The following SGCZ variants were observed in gnomAD, a reference collection of about 807,000 sequenced individuals.
SGCZ encodes zeta-sarcoglycan.
Under a neutral mutation model 41.3 loss-of-function variants are expected in SGCZ, and 40 were observed. The observed-to-expected ratio is 0.97, with a 90% CI of 0.75 to 1.26. The LOEUF (loss-of-function observed/expected upper bound fraction) is 1.26, where lower values mean the gene tolerates loss of function less well. Among genes scored for constraint, SGCZ ranks in the 50% most tolerant of loss-of-function variants. The pLI, the probability that SGCZ is intolerant of heterozygous loss-of-function variation, is 0.00. For missense variants in SGCZ, 552 were observed against 369.8 expected, an observed-to-expected ratio of 1.49 and a Z score of -4.04; for synonymous variants, 206 against 137.5, an observed-to-expected ratio of 1.50 and a Z score of -3.49.
At chr8:14,435,656 T>C (rs889776141) in intron 2 of SGCZ, among the ~76,000 whole-genome samples, 6 of 152,234 alleles carry the variant, frequency 3.9e-5, no homozygotes, top group African/African-American at 1.4e-4. Context: ...TTTATGATAC[T>C]AAACATTCAA....
At chr8:14,279,199 G>A (rs1354613585) in intron 3 of SGCZ, among the ~76,000 whole-genome samples, 3 of 151,950 alleles carry the variant, frequency 2.0e-5, no homozygotes, top group Non-Finnish European at 4.4e-5. Flanking sequence ...AGGGGGGAAA[G>A]GGGAAAAGTA....
chr8:15,230,935 C>A (rs566265036), intron 1 of SGCZ, among the ~76,000 whole-genome samples: 1 of 152,314 alleles, frequency 6.6e-6, no homozygotes, highest in African/African-American at 2.4e-5. Context: ...TGAGGGACAT[C>A]CCCAAGGTGC....
At chr8:15,187,164 TTAAG>T (rs1261510208) in intron 1 of SGCZ, among the ~76,000 whole-genome samples, 1 of 152,180 alleles carries the variant, frequency 6.6e-6, no homozygotes, top group East Asian at 1.9e-4. Context: ...CATTATTTAT[TTAAG>T]TAAATAAAGC....
At chr8:14,436,399 C>T (rs377230693) in intron 2 of SGCZ, among the ~76,000 whole-genome samples, 1 of 152,296 alleles carries the variant, frequency 6.6e-6, no homozygotes, top group African/African-American at 2.4e-5. Flanking sequence ...TAGCAATCTT[C>T]TCCAAAATTA....
intron 4 of SGCZ, among the ~76,000 whole-genome samples, chr8:14,203,183 A>C (rs968334709): frequency 2.0e-5 from 3 of 152,204 alleles, no homozygotes; most frequent in African/African-American, 7.2e-5. Flanking sequence ...TTTTATCAGC[A>C]GTGCGAAAGC....
intron 4 of SGCZ, among the ~76,000 whole-genome samples, chr8:14,234,411 C>A (rs2117158530): frequency 6.6e-6 from 1 of 152,066 alleles, no homozygotes; most frequent in East Asian, 1.9e-4. Flanking sequence ...AAACTACTTA[C>A]ATATATTTTT....
chr8:15,130,491 A>C (rs186676592), intron 1 of SGCZ, among the ~76,000 whole-genome samples: 35 of 152,332 alleles, frequency 2.3e-4, no homozygotes, highest in Admixed American at 5.2e-4. Context: ...ATCCACAGTA[A>C]ATAAATATTA....
chr8:14,584,639 C>T (rs1038179817), intron 1 of SGCZ, among the ~76,000 whole-genome samples: 6 of 151,904 alleles, frequency 3.9e-5, no homozygotes, highest in African/African-American at 1.2e-4. Flanking sequence ...AAGAGTTGTG[C>T]GGTCTTCAGG....
intron 1 of SGCZ, among the ~76,000 whole-genome samples, chr8:14,779,172 T>G (rs777531836): frequency 2.0e-5 from 3 of 152,218 alleles, no homozygotes; most frequent in Non-Finnish European, 4.4e-5. Flanking sequence ...ACATATTAAA[T>G]CATGGTCACC....
At chr8:14,133,489 C>A (rs1050279807) in intron 5 of SGCZ, among the ~76,000 whole-genome samples, 5 of 152,094 alleles carry the variant, frequency 3.3e-5, no homozygotes, top group Non-Finnish European at 5.9e-5. Flanking sequence ...GAGACACATA[C>A]AATAATTTGT....
intron 4 of SGCZ, among the ~76,000 whole-genome samples, chr8:14,187,127 G>A (rs1454769560): frequency 2.6e-5 from 4 of 152,200 alleles, no homozygotes; most frequent in Non-Finnish European, 4.4e-5. Flanking sequence ...CTGAGGAACT[G>A]TGGGTCAGGG....
rs1035426089 is a variant in SGCZ at position 15,125,803 on chromosome 8, T to C, written c.39+111782A>G. Among the ~76,000 whole-genome samples the C allele has an allele frequency of 2.6e-5, 4 of 152,334 alleles. No individual in the cohort carries two copies. In the South Asian group the frequency reaches 8.3e-4, roughly 32 times the overall value. On this transcript the variant is annotated intron_variant, in intron 1 of 7. Coordinates refer to ENST00000382080, the MANE Select transcript of SGCZ (RefSeq NM_139167.4). The stretch of plus-strand genomic sequence containing the variant: ...ATGCAATGATTACCTTTAACTTCCA[T>C]AAACTTTTACAAGTTTGTTTCATTT...
At position 14,427,754 on chromosome 8, in the gene SGCZ, G is replaced by T. The variant is rs189969821; in HGVS notation, c.235-103550C>A. 1.8e-3 allele frequency among the ~76,000 whole-genome samples: 273 copies of T among 152,170 alleles called. 2 individuals are homozygous for T. The highest frequency in any genetic ancestry group is 6.8e-3 in the Middle Eastern group (2 of 294). On this transcript the variant is annotated intron_variant, in intron 2 of 7. Transcript: ENST00000382080. ...CAAACAAAAAGGCAAATTAAAGAAGGCTGAACCTGGCCACATGACAGTAAT... is the reference window on the plus strand; with the variant it reads ...CAAACAAAAAGGCAAATTAAAGAAGTCTGAACCTGGCCACATGACAGTAAT...
chr8:14,737,339 A>C (rs1799067905), intron 1 of SGCZ, among the ~76,000 whole-genome samples: 1 of 151,990 alleles, frequency 6.6e-6, no homozygotes, highest in South Asian at 2.1e-4. Flanking sequence ...AAACCTCAGA[A>C]TCACAGACGG....
chr8:14,643,425 A>C (rs1012221680), intron 1 of SGCZ, among the ~76,000 whole-genome samples: 1 of 151,690 alleles, frequency 6.6e-6, no homozygotes, highest in Non-Finnish European at 1.5e-5. Context: ...TTGCTTAATT[A>C]GATTATTTTG....
chr8:14,716,724 C>T (rs1646472282), intron 1 of SGCZ, among the ~76,000 whole-genome samples: 1 of 151,972 alleles, frequency 6.6e-6, no homozygotes, highest in Non-Finnish European at 1.5e-5. Flanking sequence ...ATGCATAGTT[C>T]ATTGAAAATA....
At chr8:14,934,580 A>G (rs1033773291) in intron 1 of SGCZ, among the ~76,000 whole-genome samples, 2 of 151,900 alleles carry the variant, frequency 1.3e-5, no homozygotes, top group Non-Finnish European at 2.9e-5. Flanking sequence ...GAATAGAGAA[A>G]TATGAAATAA....
intron 1 of SGCZ, among the ~76,000 whole-genome samples, chr8:15,020,697 A>G (rs1803217470): frequency 6.6e-6 from 1 of 152,208 alleles, no homozygotes; most frequent in Non-Finnish European, 1.5e-5. Flanking sequence ...ATTACAAGAT[A>G]GTTATTTGCA....
intron 1 of SGCZ, among the ~76,000 whole-genome samples, chr8:14,953,417 C>T (rs192481251): frequency 6.6e-6 from 1 of 152,120 alleles, no homozygotes. Context: ...GTCCCTCCCC[C>T]AAAACTGGGA....
Sources: gnomAD v4.1 joint callset for allele counts (sites outside exome capture counted in the v4.1 genomes callset) on GRCh38, gnomAD v4.1.1 for gene constraint, MANE v1.5 for transcripts, NCBI Gene and HGNC (gene_info 2026-07-23, HGNC 2026-07-21) for gene names.